SGSM1: variants seen among roughly 807,000 people sequenced by gnomAD.
SGSM1 encodes small G protein signaling modulator 1, also known as RUN and TBC1 domain containing 2.
In SGSM1, 73 loss-of-function variants were observed where a neutral mutation model predicts 133.8. The ratio of observed to expected loss-of-function variants is 0.55; its 90% CI spans 0.45 to 0.66. The LOEUF is 0.66. SGSM1 is among the 30% of genes least tolerant of loss of function. SGSM1 has a pLI of 0.00. For synonymous variants in SGSM1, 563 were observed against 573.0 expected, an observed-to-expected ratio of 0.98 and a Z score of 0.25; for missense variants, 1,213 against 1,448.1, an observed-to-expected ratio of 0.84 and a Z score of 2.64.
intron 2 of SGSM1, among the ~76,000 whole-genome samples, chr22:24,837,632 C>G (rs537968164): frequency 6.7e-6 from 1 of 150,194 alleles, no homozygotes; most frequent in African/African-American, 2.5e-5. Context: ...TCCTTGACAC[C>G]TTTTGCTACC....
intron 5 of SGSM1, 104 bp from the exon 6 acceptor site, chr22:24,854,892 C>A: frequency 1.2e-6 from 1 of 815,986 alleles, no homozygotes; most frequent in Admixed American, 2.2e-5. Flanking sequence ...GCAGCTGAGG[C>A]TCTGGGTGGT....
chr22:24,834,015 G>A (rs62232202), intron 2 of SGSM1, among the ~76,000 whole-genome samples: 1 of 150,538 alleles, frequency 6.6e-6, no homozygotes, highest in Admixed American at 6.7e-5. Context: ...GCTTCCTTTT[G>A]TGGAGAGAAC....
intron 12 of SGSM1, among the ~76,000 whole-genome samples, chr22:24,876,347 T>C (rs1373694373): frequency 6.6e-6 from 1 of 152,168 alleles, no homozygotes. Flanking sequence ...TGTCCTCTTC[T>C]TCTCTCTTTG....
At chr22:24,906,984 G>A (rs1424363754) in intron 21 of SGSM1, among the ~76,000 whole-genome samples, 3 of 150,716 alleles carry the variant, frequency 2.0e-5, no homozygotes, top group South Asian at 2.1e-4. Context: ...AAATAGGCCG[G>A]GCATGGTGGA....
rs150161108 is a variant in SGSM1 at position 24,871,724 on chromosome 22, C to T, written c.1291+2869C>T. Among the ~76,000 whole-genome samples the T allele has an allele frequency of 2.5e-4, 38 of 152,314 alleles. No homozygotes were observed. The East Asian group carries it at 4.8e-3, about 19-fold the overall frequency. ...CCTCTAACCACCACTCCATGCACAT[C>T]GTTTTGACTGGCAGGGAGAGGGCAT... On this transcript the variant is annotated intron_variant, in intron 12 of 24. Transcript: ENST00000400358.
intron 10 of SGSM1, 90 bp downstream of exon 10, chr22:24,867,250 G>T (rs149525948): frequency 2.4e-6 from 3 of 1,238,894 alleles, no homozygotes; most frequent in African/African-American, 2.9e-5. Flanking sequence ...CATCATGAGC[G>T]AATGATATGG....
intron 19 of SGSM1, among the ~76,000 whole-genome samples, chr22:24,900,603 G>A (rs9624652): frequency 1.2e-3 from 178 of 151,982 alleles, no homozygotes; most frequent in African/African-American, 4.1e-3. Flanking sequence ...CTCCATGTTG[G>A]TCAGGCTGGT....
chr22:24,841,036 G>C (rs1400538268), intron 2 of SGSM1, among the ~76,000 whole-genome samples: 6 of 152,006 alleles, frequency 3.9e-5, no homozygotes. Context: ...ATTTTTAGTA[G>C]AGACGGGGTT....
At chr22:24,815,506 G>T (rs1177500198) in intron 2 of SGSM1, among the ~76,000 whole-genome samples, 1 of 152,184 alleles carries the variant, frequency 6.6e-6, no homozygotes, top group Admixed American at 6.5e-5. Flanking sequence ...ACTTTGGGAG[G>T]CCGAGGCAGG....
At chr22:24,910,951 A>G (rs1451821492) in intron 21 of SGSM1, among the ~76,000 whole-genome samples, 1 of 151,426 alleles carries the variant, frequency 6.6e-6, no homozygotes, top group Non-Finnish European at 1.5e-5. Context: ...TCTCAAAATA[A>G]ATAAATAAAA....
Position 24,927,112 on chromosome 22 carries a change from T to C in SGSM1, c.*2838T>C, listed in dbSNP as rs1241413029. On this transcript the variant is annotated 3_prime_UTR_variant, in exon 25 of 25. Transcript: ENST00000400358. ...TACCTCATAATTCTGTGGGTCAGCA[T>C]CCCAGGCTAGGTTCAGCTAGGAGGT... The C allele has an allele frequency of 6.6e-6, 1 of 152,218 alleles. No homozygotes were observed. Among genetic ancestry groups the C allele is most frequent in the Non-Finnish European group, 1.5e-5 (1 of 68,034 alleles). The allele number at this position is 152,218 out of a possible 1,614,324, so 9.4% of individuals were successfully genotyped here.
rs375030370 is a variant in SGSM1, at chr22:24,886,190, C to T, written c.1642-410C>T. Among the ~76,000 whole-genome samples, 5 of 150,728 alleles carry T rather than the reference C, an allele frequency of 3.3e-5. No homozygotes were observed. The Admixed American group carries it at 3.3e-4, about 10-fold the overall frequency. ...TCAGAGTCCGAGACCACCCTGGGGTCAGGAGTTCGAGACCAGCCTGGCCAA... is the reference window on the plus strand; with the variant it reads ...TCAGAGTCCGAGACCACCCTGGGGTTAGGAGTTCGAGACCAGCCTGGCCAA... On this transcript the variant is annotated intron_variant, in intron 15 of 24. Transcript: ENST00000400358.
At chr22:24,914,884 T>C (rs1042542825) in intron 22 of SGSM1, among the ~76,000 whole-genome samples, 1 of 152,060 alleles carries the variant, frequency 6.6e-6, no homozygotes, top group Admixed American at 6.6e-5. Flanking sequence ...TTTATTTGGT[T>C]TGGTTTTGCT....
At chr22:24,821,333 A>T (rs1279818175) in intron 2 of SGSM1, among the ~76,000 whole-genome samples, 2 of 152,202 alleles carry the variant, frequency 1.3e-5, no homozygotes, top group Non-Finnish European at 2.9e-5. Flanking sequence ...CATCGCGCCC[A>T]GCCTGAGCCG....
intron 2 of SGSM1, chr22:24,814,264 A>T (rs1184538907): frequency 3.1e-5 from 4 of 127,606 alleles, no homozygotes; most frequent in Non-Finnish European, 6.8e-5. Flanking sequence ...TGGGATAAAG[A>T]TTAAAAAAAC....
intron 9 of SGSM1, among the ~76,000 whole-genome samples, chr22:24,862,961 C>A (rs11090353): frequency 0.12 from 18,114 of 152,212 alleles, 1,141 homozygotes; most frequent in South Asian, 0.24. Flanking sequence ...TCAAAGCTTT[C>A]ACAGCGCGAG....
At chr22:24,874,534 TG>T (rs757473338) in intron 12 of SGSM1, 10 of 1,611,822 alleles carry the variant, frequency 6.2e-6, no homozygotes. Flanking sequence ...GCCAGCCAGA[TG>T]GGACACTACT....
At chr22:24,909,612 C>T (rs139437601) in intron 21 of SGSM1, among the ~76,000 whole-genome samples, 2,281 of 152,124 alleles carry the variant, frequency 0.015, 63 homozygotes, top group African/African-American at 0.052. Context: ...CCCACCACCA[C>T]ATCTGGCTAA....
intron 14 of SGSM1, among the ~76,000 whole-genome samples, chr22:24,882,200 G>A (rs905773075): frequency 1.3e-5 from 2 of 152,052 alleles, no homozygotes; most frequent in African/African-American, 4.8e-5. Flanking sequence ...CTGAGTAGCT[G>A]GAACTACAGG....
Sources: allele counts gnomAD v4.1 joint callset (sites outside exome capture counted in the v4.1 genomes callset), GRCh38; gene constraint gnomAD v4.1.1; transcripts MANE v1.5; gene names NCBI Gene and HGNC (gene_info 2026-07-23, HGNC 2026-07-21).